The following STEAP1B variants were observed in gnomAD, a reference collection of about 807,000 sequenced individuals.
The protein encoded by STEAP1B is STEAP family protein MGC87042.
A neutral mutation model predicts 27.9 loss-of-function variants in STEAP1B; 13 were observed. The observed-to-expected ratio is 0.47, with a 90% CI of 0.30 to 0.74. The LOEUF is 0.74. STEAP1B is among the 30% of genes least tolerant of loss of function. The pLI is 0.06. For synonymous variants in STEAP1B, 86 were observed against 107.1 expected (o/e 0.80, Z 1.22); for missense variants, 250 against 298.7 (o/e 0.84, Z 1.20).
At chr7:22,461,349 G>A (rs1295337228) in intron 4 of STEAP1B, among the ~76,000 whole-genome samples, 2 of 152,088 alleles carry the variant, frequency 1.3e-5, no homozygotes, top group East Asian at 1.9e-4. Context: ...TGCAACCTCT[G>A]CCTCCCGGGT....
rs147731954 is a variant in STEAP1B at position 22,444,061 on chromosome 7, C to T, written c.763-24225G>A. Among the ~76,000 whole-genome samples the T allele has an allele frequency of 2.1e-3, 313 of 152,328 alleles. 1 individual carries two copies. Among genetic ancestry groups the T allele is most frequent in the African/African-American group, 7.3e-3 (305 of 41,566 alleles). ...GATGAGTTCTTGGAGAAGCCCAGAG[C>T]CAGTGGGCCTGTCTCTCCACAGAGT... On this transcript the variant is annotated intron_variant, in intron 4 of 4. Transcript: ENST00000678116.
rs191364353 is a variant in STEAP1B, at chr7:22,496,202, A to C, written c.-31-1316T>G. 7.9e-5 allele frequency among the ~76,000 whole-genome samples: 12 copies of C among 152,346 alleles called. No individual in the cohort carries two copies. The East Asian group carries it at 2.3e-3, about 29-fold the overall frequency. On this transcript the variant is annotated intron_variant, in intron 1 of 4. Transcript: ENST00000678116. Reference sequence around the variant, plus strand: ...AAGTCTAAAAAGAAAAAAAATTAGAAATAGAAAAAAAGCTTAAGGAGTAAG... The same window carrying C: ...AAGTCTAAAAAGAAAAAAAATTAGACATAGAAAAAAAGCTTAAGGAGTAAG...
chr7:22,427,659 C>A (rs144869307), intron 4 of STEAP1B, among the ~76,000 whole-genome samples: 1 of 152,132 alleles, frequency 6.6e-6, no homozygotes, highest in African/African-American at 2.4e-5. Context: ...AAACATCCAA[C>A]CTAAGAGATT....
chr7:22,429,240 G>C (rs1171379028), intron 4 of STEAP1B, among the ~76,000 whole-genome samples: 1 of 152,186 alleles, frequency 6.6e-6, no homozygotes. Context: ...TATACAAAGA[G>C]ACAAAGTTTG....
intron 4 of STEAP1B, among the ~76,000 whole-genome samples, chr7:22,460,336 CA>C (rs33991000): frequency 0.023 from 2,761 of 117,600 alleles, 99 homozygotes; most frequent in African/African-American, 0.073. Context: ...TCAAAACAAA[CA>C]AAAAAAAAAA....
intron 1 of STEAP1B, among the ~76,000 whole-genome samples, chr7:22,498,159 C>G (rs1419868303): frequency 6.6e-6 from 1 of 152,220 alleles, no homozygotes; most frequent in Non-Finnish European, 1.5e-5. Flanking sequence ...GCTGTGCAGC[C>G]CAGTTCCTAA....
chr7:22,499,970 C>A (rs1225890992), intron 1 of STEAP1B, 144 bp downstream of exon 1: 4 of 152,482 alleles, frequency 2.6e-5, no homozygotes, highest in Non-Finnish European at 1.5e-5. Flanking sequence ...CACCGCTCGC[C>A]CAGGAGGGCC....
chr7:22,440,776 C>A (rs530258538), intron 4 of STEAP1B, among the ~76,000 whole-genome samples: 1 of 151,966 alleles, frequency 6.6e-6, no homozygotes, highest in Non-Finnish European at 1.5e-5. Flanking sequence ...AAGCAAAAGA[C>A]ACTGAAATAA....
At position 22,419,736 on chromosome 7, in the gene STEAP1B, C is replaced by T. The variant is rs538165093; in HGVS notation, c.*68G>A. ...GGAAAGGGCACTGGGTGGTGTTCTG[C>T]ATGAGCAATCCAATGCTGTGCTCCA... On this transcript the variant is annotated 3_prime_UTR_variant, in exon 5 of 5. Transcript: ENST00000678116. 85 of 1,515,284 alleles carry T rather than the reference C, an allele frequency of 5.6e-5. 2 individuals carry two copies. In the South Asian group the frequency reaches 9.7e-4, roughly 17 times the overall value. The allele number at this position is 1,515,284 out of a possible 1,614,324, so 93.9% of individuals were successfully genotyped here.
chr7:22,477,977 C>T (rs1039175982), intron 4 of STEAP1B, among the ~76,000 whole-genome samples: 4 of 152,194 alleles, frequency 2.6e-5, no homozygotes, highest in Admixed American at 6.5e-5. Context: ...CTTCCTACTC[C>T]GTGCCAAGGT....
intron 4 of STEAP1B, among the ~76,000 whole-genome samples, chr7:22,478,189 T>C (rs1338519313): frequency 6.6e-6 from 1 of 152,200 alleles, no homozygotes; most frequent in Non-Finnish European, 1.5e-5. Flanking sequence ...GCTAGATAAC[T>C]GCCGCTCTTC....
chr7:22,472,944 C>T (rs940838272), intron 4 of STEAP1B, among the ~76,000 whole-genome samples: 4 of 152,088 alleles, frequency 2.6e-5, no homozygotes, highest in Non-Finnish European at 5.9e-5. Flanking sequence ...ATGATGATGG[C>T]GGGGCCTACC....
In STEAP1B at chr7:22,490,304, T is replaced by C. The variant is rs80009542; in HGVS notation, c.762+2261A>G. Reference sequence around the variant, plus strand: ...ACAGAATTTTAAAGCTTTTCTCTAGTGTATTTCCAAATTGCCTACCTTATT... The same window carrying C: ...ACAGAATTTTAAAGCTTTTCTCTAGCGTATTTCCAAATTGCCTACCTTATT... On this transcript the variant is annotated intron_variant, in intron 4 of 4. Coordinates refer to ENST00000678116, the MANE Select transcript of STEAP1B (RefSeq NM_001382447.1). 3.6e-3 allele frequency among the ~76,000 whole-genome samples: 553 copies of C among 152,266 alleles called. 28 individuals are homozygous for C. The East Asian group carries it at 0.098, about 27-fold the overall frequency.
At chr7:22,488,778 G>A (rs368751526) in intron 4 of STEAP1B, among the ~76,000 whole-genome samples, 7 of 152,252 alleles carry the variant, frequency 4.6e-5, no homozygotes, top group South Asian at 4.2e-4. Flanking sequence ...GACCTGAACC[G>A]CACAGACCTT....
At chr7:22,442,806 TGAG>T (rs557856534) in intron 4 of STEAP1B, among the ~76,000 whole-genome samples, 145 of 152,184 alleles carry the variant, frequency 9.5e-4, no homozygotes, top group African/African-American at 3.2e-3. Context: ...GCCATGACAA[TGAG>T]GAGGACTTGG....
chr7:22,490,497 C>CA (rs1786302662), intron 4 of STEAP1B, among the ~76,000 whole-genome samples: 2 of 152,166 alleles, frequency 1.3e-5, no homozygotes, highest in African/African-American at 4.8e-5. Context: ...TTTCCAAACT[C>CA]AAAAAAACTC....
chr7:22,421,037 A>G (rs1785036947), intron 4 of STEAP1B, among the ~76,000 whole-genome samples: 1 of 152,230 alleles, frequency 6.6e-6, no homozygotes, highest in African/African-American at 2.4e-5. Context: ...GTTTAAATTA[A>G]TTAGAAAAAT....
At chr7:22,422,703 C>A (rs916693394) in intron 4 of STEAP1B, among the ~76,000 whole-genome samples, 7 of 152,134 alleles carry the variant, frequency 4.6e-5, no homozygotes, top group Non-Finnish European at 1.0e-4. Context: ...CCATGTTGGC[C>A]AGGTTGGTCT....
rs148687847 is a variant in STEAP1B at position 22,493,414 on chromosome 7, C to G, written c.507G>C (p.Leu169Phe). ...AAATTGCATGCAGTACAGCAAAAAA[C>G]AAACTGAGAAGCCCAAACTGCTTTC... ...LTRKQFGLLSLFFAVLHAIYT... is the reference protein window; with the variant it reads ...LTRKQFGLLSFFFAVLHAIYT... Residue 169 changes from leucine (L) to phenylalanine (F), a missense_variant, in exon 3 of 5, where the codon TTG becomes TTC. Leu to Phe is a conservative substitution (Grantham distance 22). Transcript: ENST00000678116. 0.074 allele frequency: 115,157 copies of G among 1,556,580 alleles called. 6,996 individuals carry two copies. Among genetic ancestry groups the G allele is most frequent in the African/African-American group, 0.13 (9,262 of 73,238 alleles).
Sources: gnomAD v4.1 joint callset for allele counts (sites outside exome capture counted in the v4.1 genomes callset) on GRCh38, gnomAD v4.1.1 for gene constraint, MANE v1.5 for transcripts, NCBI Gene and HGNC (gene_info 2026-07-23, HGNC 2026-07-21) for gene names.